The following TACC1 variants were observed in gnomAD, a reference collection of about 807,000 sequenced individuals.
TACC1 encodes transforming acidic coiled-coil containing protein 1.
In TACC1, 48 loss-of-function variants were observed where a neutral mutation model predicts 84.4. The observed-to-expected ratio is 0.57, with a 90% CI of 0.45 to 0.72. TACC1 has a LOEUF of 0.72. Among genes scored for constraint, TACC1 ranks in the 30% least tolerant of loss-of-function variants. The pLI is 0.00. For synonymous variants in TACC1, 372 were observed against 376.3 expected (o/e 0.99, Z 0.13); for missense variants, 920 against 973.0 (o/e 0.95, Z 0.72).
intron 8 of TACC1, chr8:38,839,509 C>T: frequency 2.9e-6 from 1 of 339,938 alleles, no homozygotes; most frequent in East Asian, 4.0e-5. Flanking sequence ...GGTGTAAGGC[C>T]CTTTGCTGGG....
chr8:38,822,860 G>A (rs1827185930), intron 3 of TACC1, among the ~76,000 whole-genome samples: 1 of 152,062 alleles, frequency 6.6e-6, no homozygotes. Flanking sequence ...AACCCTACGG[G>A]ACCACCATCG....
upstream of TACC1, among the ~76,000 whole-genome samples, chr8:38,783,110 A>ATCTATC (rs1563442592): frequency 1.4e-3 from 134 of 93,690 alleles, no homozygotes; most frequent in South Asian, 2.0e-3. Context: ...ATCTATCTAT[A>ATCTATC]TATATATATA....
chr8:38,731,806 C>A (rs1358007272), intron 1 of TACC1, among the ~76,000 whole-genome samples: 1 of 152,140 alleles, frequency 6.6e-6, no homozygotes, highest in Non-Finnish European at 1.5e-5. Flanking sequence ...AAATTACATC[C>A]TTGCATTAAA....
At chr8:38,731,411 A>G (rs1392149785) in intron 1 of TACC1, among the ~76,000 whole-genome samples, 1 of 152,208 alleles carries the variant, frequency 6.6e-6, no homozygotes, top group Non-Finnish European at 1.5e-5. Flanking sequence ...AACAGTACCT[A>G]TTTCACAAAG....
At chr8:38,795,863 T>G (rs1408416671) in intron 2 of TACC1, among the ~76,000 whole-genome samples, 1 of 152,196 alleles carries the variant, frequency 6.6e-6, no homozygotes, top group Admixed American at 6.5e-5. Context: ...TCCCCAGGGT[T>G]TAGATTGATG....
intron 3 of TACC1, among the ~76,000 whole-genome samples, chr8:38,771,913 T>C (rs1344129815): frequency 6.6e-6 from 1 of 152,102 alleles, no homozygotes; most frequent in Non-Finnish European, 1.5e-5. Context: ...CTGTATAATT[T>C]GCACTTCTAA....
intron 4 of TACC1, 116 bp downstream of exon 4, chr8:38,825,484 C>A: frequency 9.8e-7 from 1 of 1,022,884 alleles, no homozygotes. Context: ...GAGTACTCAG[C>A]TTTAAGAAGC....
chr8:38,791,799 T>C (rs1380636443), intron 2 of TACC1, among the ~76,000 whole-genome samples: 1 of 152,202 alleles, frequency 6.6e-6, no homozygotes, highest in Non-Finnish European at 1.5e-5. Context: ...AGTTGAAATA[T>C]GTAAACATTC....
chr8:38,833,420 T>C (rs1247308662), intron 6 of TACC1, among the ~76,000 whole-genome samples: 3 of 152,212 alleles, frequency 2.0e-5, no homozygotes, highest in Admixed American at 6.5e-5. Flanking sequence ...AAAAGATGGC[T>C]AAAGTAGGCA....
intron 3 of TACC1, among the ~76,000 whole-genome samples, chr8:38,764,722 T>G (rs1225067982): frequency 6.6e-6 from 1 of 152,126 alleles, no homozygotes; most frequent in Admixed American, 6.5e-5. Flanking sequence ...ATCCTAGCAC[T>G]TTGGGAGGCC....
intron 9 of TACC1, among the ~76,000 whole-genome samples, chr8:38,840,844 G>A (rs551235429): frequency 6.6e-6 from 1 of 152,252 alleles, no homozygotes; most frequent in African/African-American, 2.4e-5. Flanking sequence ...GAGGTTGAGA[G>A]TTCGAAAACA....
intron 3 of TACC1, among the ~76,000 whole-genome samples, chr8:38,760,154 G>A (rs554376573): frequency 7.2e-5 from 11 of 152,056 alleles, no homozygotes; most frequent in Non-Finnish European, 1.3e-4. Flanking sequence ...ATCTAATCAG[G>A]TACTAAAAGT....
chr8:38,798,894 C>T (rs2152061801), intron 2 of TACC1, among the ~76,000 whole-genome samples: 1 of 152,208 alleles, frequency 6.6e-6, no homozygotes, highest in African/African-American at 2.4e-5. Flanking sequence ...GTGTACTTCT[C>T]CATTTTAAGG....
intron 2 of TACC1, among the ~76,000 whole-genome samples, chr8:38,801,034 G>C (rs552336088): frequency 6.6e-6 from 1 of 151,980 alleles, no homozygotes; most frequent in Non-Finnish European, 1.5e-5. Context: ...GTAGCTATTG[G>C]GTATTTGTAT....
intron 3 of TACC1, among the ~76,000 whole-genome samples, chr8:38,752,597 C>A (rs73611022): frequency 6.6e-6 from 1 of 152,124 alleles, no homozygotes; most frequent in Non-Finnish European, 1.5e-5. Flanking sequence ...AATTCTACCC[C>A]ACTTGGACTC....
intron 3 of TACC1, among the ~76,000 whole-genome samples, chr8:38,781,512 G>C (rs1424591171): frequency 6.6e-6 from 1 of 151,870 alleles, no homozygotes; most frequent in Non-Finnish European, 1.5e-5. Context: ...CGTCTGAGTA[G>C]CTAGGATGAC....
At position 38,834,979 on chromosome 8, in the gene TACC1, C is replaced by T. The variant is rs942316396; in HGVS notation, c.1714-1183C>T. Among the ~76,000 whole-genome samples the T allele has an allele frequency of 7.9e-5, 12 of 152,252 alleles. No homozygotes were observed. In the East Asian group the frequency reaches 1.7e-3, roughly 22 times the overall value. ...TATAAAAAGTTTACTTCTGGCCAGG[C>T]GCGGTGGCTCACGCCTGTAATCCCA... On this transcript the variant is annotated intron_variant, in intron 6 of 12. Transcript: ENST00000317827.
Position 38,836,858 on chromosome 8 carries a change from GTGTT to G in TACC1, c.1839+577_1839+580del, listed in dbSNP as rs1317135418. Among the ~76,000 whole-genome samples the G allele has an allele frequency of 2.0e-5, 3 of 152,240 alleles. No individual in the cohort carries two copies. The South Asian group carries it at 6.2e-4, about 32-fold the overall frequency. On this transcript the variant is annotated intron_variant, in intron 7 of 12. Transcript: ENST00000317827. Reference sequence around the variant, plus strand: ...GTCATATATCTATGCTGTATTTTGTGTGTTTGTTTTGTGTGTTTCTTGACAATTC... The same window carrying G: ...GTCATATATCTATGCTGTATTTTGTGTGTTTTGTGTGTTTCTTGACAATTC...
chr8:38,766,333 A>T (rs1812245613), intron 3 of TACC1, among the ~76,000 whole-genome samples: 1 of 152,226 alleles, frequency 6.6e-6, no homozygotes, highest in Admixed American at 6.5e-5. Context: ...TATTAATGAC[A>T]CTTCTAGGCA....
Sources: gnomAD v4.1 joint callset for allele counts (sites outside exome capture counted in the v4.1 genomes callset) on GRCh38, gnomAD v4.1.1 for gene constraint, MANE v1.5 for transcripts, NCBI Gene and HGNC (gene_info 2026-07-23, HGNC 2026-07-21) for gene names.